HACD3: variants seen among roughly 807,000 people sequenced by gnomAD.
The protein encoded by HACD3 is very-long-chain (3R)-3-hydroxyacyl-CoA dehydratase 3.
A neutral mutation model predicts 55.2 loss-of-function variants in HACD3; 30 were observed. The ratio of observed to expected loss-of-function variants is 0.54; its 90% CI spans 0.41 to 0.74. The LOEUF is 0.74. HACD3 is among the 30% of genes least tolerant of loss of function. The pLI, the probability that HACD3 is intolerant of heterozygous loss-of-function variation, is 0.00. For missense variants in HACD3, 363 were observed against 440.1 expected (o/e 0.82, Z 1.57); for synonymous variants, 141 against 151.7 (o/e 0.93, Z 0.52).
chr15:65,544,962 G>T (rs1304362217), intron 1 of HACD3, among the ~76,000 whole-genome samples: 2 of 151,442 alleles, frequency 1.3e-5, no homozygotes, highest in Non-Finnish European at 2.9e-5. Flanking sequence ...CGGAGGTTGC[G>T]GTGAGCCGAG....
At chr15:65,567,182 T>C (rs74702092) in intron 7 of HACD3, among the ~76,000 whole-genome samples, 9,509 of 152,156 alleles carry the variant, frequency 0.062, 307 homozygotes, top group African/African-American at 0.09. Flanking sequence ...TTGCCAGGCA[T>C]GGTGATGTGC....
rs1420974749 is a variant in HACD3 at position 65,577,818 on chromosome 15, C to T, written c.*1439C>T. ...GGGTGAACACCCGCTGATCCTTTAACAAGGATTTCTGGCAGGAAACTCACA... is the reference window on the plus strand; with the variant it reads ...GGGTGAACACCCGCTGATCCTTTAATAAGGATTTCTGGCAGGAAACTCACA... On this transcript the variant is annotated 3_prime_UTR_variant, in exon 11 of 11. Transcript: ENST00000261875. 2 of 152,568 alleles carry T rather than the reference C, an allele frequency of 1.3e-5. No homozygotes were observed. Among genetic ancestry groups the T allele is most frequent in the African/African-American group, 4.8e-5 (2 of 41,438 alleles). The allele number at this position is 152,568 out of a possible 1,614,324, so 9.5% of individuals were successfully genotyped here.
chr15:65,548,471 C>G (rs1303441133), intron 1 of HACD3, among the ~76,000 whole-genome samples: 1 of 148,642 alleles, frequency 6.7e-6, no homozygotes, highest in Non-Finnish European at 1.5e-5. Context: ...GAGATTGCAC[C>G]ACTTCACTCC....
chr15:65,549,426 GA>G (rs34149100), intron 1 of HACD3, among the ~76,000 whole-genome samples: 172 of 111,052 alleles, frequency 1.5e-3, no homozygotes, highest in African/African-American at 3.8e-3. Flanking sequence ...TCTCTGCTGG[GA>G]AAAAAAAAAA....
At chr15:65,553,050 C>T (rs2072151023) in intron 2 of HACD3, 1 of 152,038 alleles carries the variant, frequency 6.6e-6, no homozygotes, top group African/African-American at 2.4e-5. Context: ...GCATAGTATT[C>T]CATGGTGTAT....
At chr15:65,562,296 A>G (rs888265674) in intron 5 of HACD3, among the ~76,000 whole-genome samples, 5 of 152,192 alleles carry the variant, frequency 3.3e-5, no homozygotes, top group Non-Finnish European at 7.3e-5. Flanking sequence ...CTTAGGACCC[A>G]CAATCAGATT....
At chr15:65,571,769 C>A in intron 9 of HACD3, 115 bp downstream of exon 9, 1 of 813,526 alleles carries the variant, frequency 1.2e-6, no homozygotes, top group Non-Finnish European at 1.9e-6. Flanking sequence ...TTGGATTTTT[C>A]AGGGATTTCT....
chr15:65,571,671 T>G lies in HACD3; in HGVS notation c.880+17T>G. 4 of 1,580,124 alleles carry G rather than the reference T, an allele frequency of 2.5e-6. No homozygotes were observed. The highest frequency in any genetic ancestry group is 3.5e-6 in the Non-Finnish European group (4 of 1,149,702). On this transcript the variant is annotated intron_variant, in intron 9 of 10. Coordinates refer to ENST00000261875, the MANE Select transcript of HACD3 (RefSeq NM_016395.4). Reference sequence around the variant, plus strand: ...TGGCGGAAGGTACTCTCAGGGACTCTTAGCTTTCATAGCTTAGCTCCAGGG... The same window carrying G: ...TGGCGGAAGGTACTCTCAGGGACTCGTAGCTTTCATAGCTTAGCTCCAGGG...
At chr15:65,563,557 A>C (rs1056135391) in intron 6 of HACD3, among the ~76,000 whole-genome samples, 1 of 152,150 alleles carries the variant, frequency 6.6e-6, no homozygotes, top group African/African-American at 2.4e-5. Context: ...TAATCCCAGC[A>C]CTTTAACAGG....
chr15:65,561,866 G>A (rs1356211222), intron 5 of HACD3, among the ~76,000 whole-genome samples: 6 of 152,170 alleles, frequency 3.9e-5, no homozygotes, highest in Admixed American at 2.6e-4. Context: ...TGTAAATTAC[G>A]GTTCCCACAA....
At chr15:65,536,446 T>C (rs756802172) in intron 1 of HACD3, among the ~76,000 whole-genome samples, 4 of 152,142 alleles carry the variant, frequency 2.6e-5, no homozygotes, top group African/African-American at 4.8e-5. Flanking sequence ...CACAACAATA[T>C]TGAAATTAAG....
chr15:65,573,324 G>A (rs931509823), intron 10 of HACD3, among the ~76,000 whole-genome samples: 1 of 151,928 alleles, frequency 6.6e-6, no homozygotes, highest in Non-Finnish European at 1.5e-5. Flanking sequence ...ATTCTTATTA[G>A]AGGCCAGGTA....
chr15:65,540,653 A>G lies in HACD3; in HGVS notation c.87+9935A>G, dbSNP rs149060487. Among the ~76,000 whole-genome samples the G allele has an allele frequency of 3.5e-3, 529 of 152,288 alleles. 3 individuals carry two copies. Among genetic ancestry groups the G allele is most frequent in the African/African-American group, 0.012 (509 of 41,558 alleles). On this transcript the variant is annotated intron_variant, in intron 1 of 10. Coordinates refer to ENST00000261875, the MANE Select transcript of HACD3 (RefSeq NM_016395.4). ...GAATAAGTTAGAGGGAGATGAGGAT[A>G]GAAGGGTTTGCAAGATGTAGGTCAT...
intron 10 of HACD3, among the ~76,000 whole-genome samples, chr15:65,572,914 C>T (rs1238243601): frequency 9.4e-6 from 1 of 106,420 alleles, no homozygotes; most frequent in South Asian, 2.8e-4. Context: ...GACTTTGTCT[C>T]AAAAAAAAAA....
intron 1 of HACD3, among the ~76,000 whole-genome samples, chr15:65,549,247 C>T (rs1194679330): frequency 6.6e-6 from 1 of 152,076 alleles, no homozygotes; most frequent in East Asian, 1.9e-4. Context: ...ACTAAGTGAA[C>T]TTGAACTTTG....
chr15:65,558,845 G>C, intron 5 of HACD3, 114 bp downstream of exon 5: 2 of 1,308,146 alleles, frequency 1.5e-6, no homozygotes, highest in Non-Finnish European at 2.1e-6. Context: ...AGCTGTGTGG[G>C]TGAGTTTATG....
Position 65,530,493 on chromosome 15 carries a change from G to T in HACD3, c.-139G>T, listed in dbSNP as rs1281578307. ...TGCGCAGGCGCGGCCCGCGAGCGTG[G>T]GGTATCTCGAGGTGCCGGGTTGCAG... On this transcript the variant is annotated 5_prime_UTR_variant, in exon 1 of 11. Transcript: ENST00000261875. 1.2e-5 allele frequency: 8 copies of T among 680,588 alleles called. No homozygotes were observed. Among genetic ancestry groups the T allele is most frequent in the Admixed American group, 3.9e-5 (1 of 25,886 alleles). The allele number at this position is 680,588 out of a possible 1,614,324, so 42.2% of individuals were successfully genotyped here. A position where few individuals can be genotyped will look rare whatever the true frequency, so the allele number is the denominator to read the frequency against.
rs2072409669 is a variant in HACD3, at chr15:65,577,050, TG to T, written c.*672del. The T allele has an allele frequency of 1.3e-5, 2 of 152,200 alleles. No individual in the cohort carries two copies. Among genetic ancestry groups the T allele is most frequent in the Admixed American group, 1.3e-4 (2 of 15,270 alleles). The allele number at this position is 152,200 out of a possible 1,614,324, so 9.4% of individuals were successfully genotyped here. The stretch of plus-strand genomic sequence containing the variant: ...AACTAATCAGAATCTTGGAACATCA[TG>T]ATCATGCCATTCTTAAGTAAATCAA... On this transcript the variant is annotated 3_prime_UTR_variant, in exon 11 of 11. Transcript: ENST00000261875.
chr15:65,540,167 A>G (rs1438439971), intron 1 of HACD3, among the ~76,000 whole-genome samples: 1 of 152,214 alleles, frequency 6.6e-6, no homozygotes, highest in Non-Finnish European at 1.5e-5. Context: ...TTAATAATAG[A>G]AATCAATAAG....
Sources: allele counts gnomAD v4.1 joint callset (sites outside exome capture counted in the v4.1 genomes callset), GRCh38; gene constraint gnomAD v4.1.1; transcripts MANE v1.5; gene names NCBI Gene and HGNC (gene_info 2026-07-23, HGNC 2026-07-21).